The following LARP4B variants were observed in gnomAD, a reference collection of about 807,000 sequenced individuals.
LARP4B encodes la-related protein 4B.
A neutral mutation model predicts 89.8 loss-of-function variants in LARP4B; 12 were observed. The ratio of observed to expected loss-of-function variants is 0.13; its 90% CI spans 0.09 to 0.22. LARP4B has a LOEUF of 0.22. Ranked by LOEUF, LARP4B falls within the 10% of genes least tolerant of loss-of-function variation. The pLI is 1.00. For synonymous variants in LARP4B, 367 were observed against 363.3 expected, an observed-to-expected ratio of 1.01 and a Z score of -0.12; for missense variants, 757 against 947.7, an observed-to-expected ratio of 0.80 and a Z score of 2.64.
At chr10:931,401 G>C (rs7082265) in intron 1 of LARP4B, 27 bp downstream of exon 1, 145,714 of 147,824 alleles carry the variant, frequency 0.99, 71,849 homozygotes, top group Middle Eastern at 1. Context: ...CGGGAGGGAC[G>C]GCCCGCCGCG....
intron 1 of LARP4B, among the ~76,000 whole-genome samples, chr10:917,021 T>A (rs1211538354): frequency 6.6e-6 from 1 of 152,198 alleles, no homozygotes; most frequent in Non-Finnish European, 1.5e-5. Flanking sequence ...AATACAAGTT[T>A]CTGATAATTT....
At chr10:949,986 C>T in the LARP4B span, among the ~76,000 whole-genome samples, 6,125 of 152,168 alleles carry the variant, frequency 0.04, 297 homozygotes, top group African/African-American at 0.12. Context: ...ATGTTGCCCA[C>T]GCTGGTCTTG....
chr10:984,741 G>A, the LARP4B span, among the ~76,000 whole-genome samples: 1 of 152,100 alleles, frequency 6.6e-6, no homozygotes, highest in Non-Finnish European at 1.5e-5. Context: ...TGGACAACAT[G>A]GCGAAATCTC....
chr10:962,298 C>CAAAA, the LARP4B span, among the ~76,000 whole-genome samples: 1 of 60,630 alleles, frequency 1.6e-5, no homozygotes, highest in African/African-American at 5.6e-5. Flanking sequence ...ACTCCATCTC[C>CAAAA]AAAAAAAAAA....
chr10:903,889 C>A, intron 1 of LARP4B, among the ~76,000 whole-genome samples: 1 of 152,120 alleles, frequency 6.6e-6, no homozygotes, highest in East Asian at 1.9e-4. Flanking sequence ...CTGCTTTAAT[C>A]CTGTGCGGCT....
intron 15 of LARP4B, among the ~76,000 whole-genome samples, chr10:816,171 G>A (rs1672718046): frequency 6.6e-6 from 1 of 152,242 alleles, no homozygotes; most frequent in Non-Finnish European, 1.5e-5. Flanking sequence ...GGAGGTTGCA[G>A]GGAGCCAAGG....
intron 6 of LARP4B, among the ~76,000 whole-genome samples, chr10:844,252 T>C (rs1170928178): frequency 6.6e-6 from 1 of 152,242 alleles, no homozygotes; most frequent in Non-Finnish European, 1.5e-5. Flanking sequence ...GGCGTTCCAC[T>C]GGTGCCCCTG....
intron 5 of LARP4B, among the ~76,000 whole-genome samples, chr10:861,745 C>A (rs558493181): frequency 5.3e-5 from 8 of 152,288 alleles, no homozygotes; most frequent in South Asian, 2.1e-4. Context: ...CAAGACAGAT[C>A]TTCACATCTG....
Position 898,028 on chromosome 10 carries a change from G to A in LARP4B, c.-39-12268C>T, listed in dbSNP as rs927296216. ...AAAAAAAAAAAATGGCAAATGATCC[G>A]AACGAACATTTTCCCAAAGAAGATA... On this transcript the variant is annotated intron_variant, in intron 1 of 17. Transcript: ENST00000316157. Among the ~76,000 whole-genome samples the A allele has an allele frequency of 1.7e-4, 23 of 136,918 alleles. No homozygotes were observed. In the East Asian group the frequency reaches 2.0e-3, roughly 12 times the overall value. 89.8% of individuals were successfully genotyped at this position (136,918 alleles called of 152,430 possible). A position where few individuals can be genotyped will look rare whatever the true frequency, so the allele number is the denominator to read the frequency against.
intron 5 of LARP4B, among the ~76,000 whole-genome samples, chr10:862,971 C>T (rs911741890): frequency 6.6e-6 from 1 of 152,142 alleles, no homozygotes; most frequent in Non-Finnish European, 1.5e-5. Flanking sequence ...GCCATTCTTT[C>T]ACACTCCTGC....
At chr10:848,672 C>T (rs896976069) in intron 5 of LARP4B, among the ~76,000 whole-genome samples, 1 of 151,570 alleles carries the variant, frequency 6.6e-6, no homozygotes, top group African/African-American at 2.4e-5. Flanking sequence ...GACTCGGGAA[C>T]CTGAAGACAC....
At chr10:909,603 G>A (rs1489386593) in intron 1 of LARP4B, among the ~76,000 whole-genome samples, 1 of 151,906 alleles carries the variant, frequency 6.6e-6, no homozygotes, top group Non-Finnish European at 1.5e-5. Context: ...TGGCCAACAT[G>A]GTGAAACCTC....
chr10:839,397 G>T (rs980780391), intron 7 of LARP4B, among the ~76,000 whole-genome samples: 1 of 152,142 alleles, frequency 6.6e-6, no homozygotes, highest in Non-Finnish European at 1.5e-5. Flanking sequence ...TTACAATTTT[G>T]CTGTGAATCT....
the LARP4B span, among the ~76,000 whole-genome samples, chr10:940,253 G>A: frequency 7.9e-5 from 12 of 152,308 alleles, no homozygotes; most frequent in African/African-American, 2.9e-4. Flanking sequence ...TTGACCTCAG[G>A]TAATCCGCCT....
the LARP4B span, among the ~76,000 whole-genome samples, chr10:940,537 G>A: frequency 3.9e-5 from 6 of 152,250 alleles, no homozygotes; most frequent in Non-Finnish European, 7.3e-5. Flanking sequence ...GGGGAGGGGG[G>A]CGCCTGCCCA....
At chr10:866,799 C>T (rs994118861) in intron 3 of LARP4B, among the ~76,000 whole-genome samples, 1 of 152,198 alleles carries the variant, frequency 6.6e-6, no homozygotes, top group Admixed American at 6.5e-5. Context: ...AGTTGACTGT[C>T]CTATAGTACC....
chr10:980,368 G>A, the LARP4B span, among the ~76,000 whole-genome samples: 7 of 152,220 alleles, frequency 4.6e-5, no homozygotes, highest in Non-Finnish European at 1.0e-4. Context: ...GGGACTCTGT[G>A]TGGGGGCTCC....
intron 13 of LARP4B, 138 bp from the exon 14 acceptor site, chr10:820,983 A>T: frequency 1.4e-6 from 1 of 729,392 alleles, no homozygotes; most frequent in Non-Finnish European, 2.2e-6. Context: ...GATGACTTTC[A>T]ATTCTAAAAT....
chr10:877,116 T>C lies in LARP4B; in HGVS notation c.141+7331A>G, dbSNP rs1381296396. On this transcript the variant is annotated intron_variant, in intron 3 of 17. Transcript: ENST00000316157. ...CCCAGTGCTCATCTACCAAAACCCT[T>C]CTGCCCTCCTAGAGGGCAAATGTGA... Among the ~76,000 whole-genome samples the C allele has an allele frequency of 4.6e-5, 7 of 152,244 alleles. No individual in the cohort carries two copies. The East Asian group carries it at 1.4e-3, about 29-fold the overall frequency.
Sources: allele counts gnomAD v4.1 joint callset (sites outside exome capture counted in the v4.1 genomes callset), GRCh38; gene constraint gnomAD v4.1.1; transcripts MANE v1.5; gene names NCBI Gene and HGNC (gene_info 2026-07-23, HGNC 2026-07-21).